The following PCSK6 variants were observed in gnomAD, a reference collection of about 807,000 sequenced individuals.
PCSK6 encodes the protein paired basic amino acid cleaving enzyme 4.
Under a neutral mutation model 123.3 loss-of-function variants are expected in PCSK6, and 85 were observed. That is an observed-to-expected ratio of 0.69 (90% CI 0.58 to 0.83). The LOEUF (loss-of-function observed/expected upper bound fraction) is 0.83. PCSK6 is among the 40% of genes least tolerant of loss of function. PCSK6 has a pLI of 0.00. For missense variants in PCSK6, 1,191 were observed against 1,282.3 expected (o/e 0.93, Z 1.09); for synonymous variants, 508 against 516.0 (o/e 0.98, Z 0.21).
chr15:101,427,775 G>T (rs1387191845), intron 6 of PCSK6, 117 bp downstream of exon 6: 3 of 731,076 alleles, frequency 4.1e-6, no homozygotes, highest in Non-Finnish European at 6.9e-6. Context: ...TGGCCCAGGG[G>T]TCTGCTGACA....
In PCSK6 at chr15:101,398,972, G is replaced by A. The variant is rs3784465; in HGVS notation, c.824-396C>T. Among the ~76,000 whole-genome samples, 72,083 of 151,884 alleles carry A rather than the reference G, an allele frequency of 0.47. 18,187 individuals are homozygous for A. The highest frequency in any genetic ancestry group is 0.56 in the Non-Finnish European group (38,231 of 67,970). On this transcript the variant is annotated intron_variant, in intron 6 of 21. Coordinates refer to ENST00000611716, the MANE Select transcript of PCSK6 (RefSeq NM_002570.5). The surrounding 1 kb of genome is among the most constrained non-coding windows in gnomAD (Gnocchi z 4.6). Reference sequence around the variant, plus strand: ...GGCTGGAGGGCAGTGGTGCAATCTCGGCTCACTGCAAGCTCCACCTCCCGG... The same window carrying A: ...GGCTGGAGGGCAGTGGTGCAATCTCAGCTCACTGCAAGCTCCACCTCCCGG...
At chr15:101,360,643 C>A (rs1274156209) in intron 13 of PCSK6, among the ~76,000 whole-genome samples, 1 of 119,688 alleles carries the variant, frequency 8.4e-6, no homozygotes, top group African/African-American at 3.7e-5. Context: ...GCCTTAGCAT[C>A]CCCTGGAACA....
intron 1 of PCSK6, among the ~76,000 whole-genome samples, chr15:101,483,517 AG>A (rs1457218983): frequency 2.0e-5 from 3 of 152,208 alleles, no homozygotes; most frequent in Non-Finnish European, 4.4e-5. Flanking sequence ...TCAATACCCC[AG>A]GCAAAGCAAA....
chr15:101,425,494 C>CA (rs1305066947), intron 6 of PCSK6, among the ~76,000 whole-genome samples: 1 of 152,172 alleles, frequency 6.6e-6, no homozygotes, highest in African/African-American at 2.4e-5. Flanking sequence ...AGTTGTCACT[C>CA]AAGAGACTAT....
intron 14 of PCSK6, 79 bp downstream of exon 14, chr15:101,331,773 A>G (rs2040375820): frequency 6.2e-7 from 1 of 1,601,238 alleles, no homozygotes; most frequent in Non-Finnish European, 8.5e-7. Context: ...TGCCAGGAGC[A>G]GCCCTACATT....
chr15:101,434,765 G>A (rs1445648106), intron 2 of PCSK6, among the ~76,000 whole-genome samples: 1 of 151,406 alleles, frequency 6.6e-6, no homozygotes, highest in Non-Finnish European at 1.5e-5. Context: ...GAGACGGGAT[G>A]CAGGCAGACA....
At chr15:101,351,078 A>G (rs1384882395) in intron 13 of PCSK6, among the ~76,000 whole-genome samples, 2 of 152,188 alleles carry the variant, frequency 1.3e-5, no homozygotes, top group Admixed American at 6.5e-5. Context: ...CATCTGTTCT[A>G]TCTACACAGG....
chr15:101,428,596 T>C (rs1220551753), intron 5 of PCSK6, among the ~76,000 whole-genome samples: 2 of 152,138 alleles, frequency 1.3e-5, no homozygotes, highest in African/African-American at 4.8e-5. Context: ...AACAAATGCG[T>C]TTTCCTCAGT....
chr15:101,485,606 G>C (rs1041396624), intron 1 of PCSK6, among the ~76,000 whole-genome samples: 2 of 152,138 alleles, frequency 1.3e-5, no homozygotes, highest in African/African-American at 4.8e-5. Flanking sequence ...TCCATGGGGA[G>C]AGCCTGTTCT....
Position 101,479,251 on chromosome 15 carries a change from C to T in PCSK6, c.297+10123G>A, listed in dbSNP as rs552066893. On this transcript the variant is annotated intron_variant, in intron 1 of 21. Transcript: ENST00000611716. ...CGGGTAGACCACACAAGGAAGGGGC[C>T]CCCAGGTTAAAACGACAGCAACAGA... Among the ~76,000 whole-genome samples, 34 of 152,266 alleles carry T rather than the reference C, an allele frequency of 2.2e-4. No individual in the cohort carries two copies. In the South Asian group the frequency reaches 6.6e-3, roughly 30 times the overall value.
At position 101,422,652 on chromosome 15, in the gene PCSK6, G is replaced by A. The variant is rs571573259; in HGVS notation, c.823+5240C>T. Reference sequence around the variant, plus strand: ...TTTTTTTTTTTTGAGACGGAGTCTCGCTCTGTCGCCCAGGCTGGAGTGCAG... The same window carrying A: ...TTTTTTTTTTTTGAGACGGAGTCTCACTCTGTCGCCCAGGCTGGAGTGCAG... On this transcript the variant is annotated intron_variant, in intron 6 of 21. Transcript: ENST00000611716. Among the ~76,000 whole-genome samples, 446 of 149,430 alleles carry A rather than the reference G, an allele frequency of 3.0e-3. 3 individuals are homozygous for A. Among genetic ancestry groups the A allele is most frequent in the African/African-American group, 0.01 (423 of 40,370 alleles).
intron 2 of PCSK6, 30 bp downstream of exon 2, chr15:101,443,526 C>T (rs1335607626): frequency 1.3e-5 from 19 of 1,493,810 alleles, no homozygotes; most frequent in Non-Finnish European, 1.5e-5. Flanking sequence ...AACCCTCCAG[C>T]CCTTAGGAAA....
chr15:101,404,391 G>A (rs2042706220), intron 6 of PCSK6, among the ~76,000 whole-genome samples: 1 of 152,184 alleles, frequency 6.6e-6, no homozygotes, highest in Non-Finnish European at 1.5e-5. Flanking sequence ...ATGAAGTGGG[G>A]TCTTTCCCAA....
chr15:101,307,085 G>T, intron 21 of PCSK6, 128 bp downstream of exon 21: 1 of 672,528 alleles, frequency 1.5e-6, no homozygotes, highest in Admixed American at 2.2e-5. Flanking sequence ...CAGTCAATCG[G>T]ATCAGGGGCA....
In PCSK6 at chr15:101,322,951, G is replaced by A. The variant is rs964945212; in HGVS notation, c.2378-344C>T. On this transcript the variant is annotated intron_variant, in intron 17 of 21. Coordinates refer to ENST00000611716, the MANE Select transcript of PCSK6 (RefSeq NM_002570.5). ...TGAAAGTGGCCGGGTGTGGGCAGGT[G>A]GGGGGTGGAGAGCCTGAGGCTGCCG... 5.9e-5 allele frequency among the ~76,000 whole-genome samples: 9 copies of A among 152,214 alleles called. No individual in the cohort carries two copies. The East Asian group carries it at 1.5e-3, about 26-fold the overall frequency.
intron 2 of PCSK6, among the ~76,000 whole-genome samples, 165 bp from the exon 3 acceptor site, chr15:101,432,265 T>A (rs978297354): frequency 4.6e-5 from 7 of 152,062 alleles, no homozygotes; most frequent in Admixed American, 6.5e-5. Context: ...GTGACTACAT[T>A]TGAAAGATGA....
intron 11 of PCSK6, among the ~76,000 whole-genome samples, chr15:101,371,747 G>A (rs1390227821): frequency 2.6e-5 from 4 of 152,204 alleles, no homozygotes; most frequent in East Asian, 1.9e-4. Flanking sequence ...TCGCTGCCTC[G>A]AATGGAAGCT....
chr15:101,376,666 T>C (rs1567174794), intron 11 of PCSK6, among the ~76,000 whole-genome samples: 1 of 152,148 alleles, frequency 6.6e-6, no homozygotes, highest in Non-Finnish European at 1.5e-5. Context: ...ATAAGTAGCC[T>C]TTACAATTTG....
Position 101,326,980 on chromosome 15 carries a change from G to A in PCSK6, c.2078-501C>T, listed in dbSNP as rs574854810. Reference sequence around the variant, plus strand: ...GAATTAGGTAGCCCCCCCGCAACTCGCTGTGGTGGGAATGGGGATGGATCT... The same window carrying A: ...GAATTAGGTAGCCCCCCCGCAACTCACTGTGGTGGGAATGGGGATGGATCT... On this transcript the variant is annotated intron_variant, in intron 15 of 21. Transcript: ENST00000611716. Among the ~76,000 whole-genome samples the A allele has an allele frequency of 4.6e-5, 7 of 152,284 alleles. No individual in the cohort carries two copies. The South Asian group carries it at 1.0e-3, about 23-fold the overall frequency.
Sources: allele counts gnomAD v4.1 joint callset (sites outside exome capture counted in the v4.1 genomes callset), GRCh38; gene constraint gnomAD v4.1.1; non-coding constraint Gnocchi (gnomAD v3.1); transcripts MANE v1.5; gene names NCBI Gene and HGNC (gene_info 2026-07-23, HGNC 2026-07-21).